Variants in SCD5 observed in about 807,000 individuals in gnomAD.
The protein encoded by SCD5 is stearoyl-CoA desaturase 5, also known as acyl-CoA-desaturase 4.
SCD5 carries 20 observed loss-of-function variants against 30.4 expected under a neutral mutation model. The ratio of observed to expected loss-of-function variants is 0.66; its 90% confidence interval spans 0.46 to 0.96. The LOEUF (loss-of-function observed/expected upper bound fraction) is 0.96, where lower values mean the gene tolerates loss of function less well. Among genes scored for constraint, SCD5 ranks in the 40% least tolerant of loss-of-function variants. SCD5 has a pLI of 0.00. For synonymous variants in SCD5, 173 were observed against 176.4 expected (o/e 0.98, Z 0.16); for missense variants, 381 against 443.3 (o/e 0.86, Z 1.26).
chr4:82,743,444 A>G (rs774968307), intron 1 of SCD5, among the ~76,000 whole-genome samples: 16 of 152,310 alleles, frequency 1.1e-4, no homozygotes, highest in Non-Finnish European at 2.2e-4. Flanking sequence ...TGAGCCCAGG[A>G]GGTCAAGGCT....
intron 2 of SCD5, among the ~76,000 whole-genome samples, chr4:82,703,509 G>A (rs554903154): frequency 6.6e-6 from 1 of 152,128 alleles, no homozygotes; most frequent in Admixed American, 6.5e-5. Flanking sequence ...TTGCAGAAAG[G>A]CTCACATCTA....
chr4:82,646,413 T>C (rs1727634807), intron 3 of SCD5, among the ~76,000 whole-genome samples: 2 of 152,238 alleles, frequency 1.3e-5, no homozygotes, highest in South Asian at 4.1e-4. Context: ...GATGCACATC[T>C]GAAAATGGAG....
At position 82,747,069 on chromosome 4, in the gene SCD5, G is replaced by GC. The variant is rs151046123; in HGVS notation, c.233-41657dup. On this transcript the variant is annotated intron_variant, in intron 1 of 4. Transcript: ENST00000319540. ...AGTTAGAGAAAAGTCTGGGCAACCT[G>GC]CCCCCCAAGAAAGACGACCTTCCCA... Among the ~76,000 whole-genome samples the GC allele has an allele frequency of 2.4e-3, 336 of 139,808 alleles. 8 individuals are homozygous for GC. Among genetic ancestry groups the GC allele is most frequent in the African/African-American group, 6.4e-3 (259 of 40,158 alleles). The allele number at this position is 139,808 out of a possible 152,430, so 91.7% of individuals were successfully genotyped here.
intron 1 of SCD5, among the ~76,000 whole-genome samples, chr4:82,776,375 T>C (rs897737440): frequency 6.6e-6 from 1 of 152,220 alleles, no homozygotes; most frequent in Non-Finnish European, 1.5e-5. Context: ...CATCTGTGAA[T>C]GTTGTGTCAA....
At chr4:82,631,618 G>C in intron 4 of SCD5, 101 bp from the exon 5 acceptor site, 1 of 1,264,258 alleles carries the variant, frequency 7.9e-7, no homozygotes, top group Non-Finnish European at 1.1e-6. Context: ...GCAGGACATG[G>C]TGTCAGCCTC....
intron 1 of SCD5, among the ~76,000 whole-genome samples, chr4:82,768,478 A>G: frequency 6.6e-6 from 1 of 152,264 alleles, no homozygotes; most frequent in East Asian, 1.9e-4. Context: ...ATAAGACCTC[A>G]TCTTTTATTA....
chr4:82,769,261 T>A (rs931959117), intron 1 of SCD5, among the ~76,000 whole-genome samples: 2 of 152,152 alleles, frequency 1.3e-5, no homozygotes, highest in Admixed American at 1.3e-4. Flanking sequence ...TGCTTAACTA[T>A]AAAGTGGGGC....
At chr4:82,729,897 A>G (rs994368468) in intron 1 of SCD5, among the ~76,000 whole-genome samples, 2 of 152,144 alleles carry the variant, frequency 1.3e-5, no homozygotes, top group African/African-American at 4.8e-5. Context: ...ATTAGCACTT[A>G]TCTTCCATTA....
At chr4:82,755,644 G>T (rs537681684) in intron 1 of SCD5, among the ~76,000 whole-genome samples, 7 of 152,106 alleles carry the variant, frequency 4.6e-5, no homozygotes, top group African/African-American at 1.7e-4. Context: ...TAAACAATGC[G>T]CTCAAAAAGG....
At chr4:82,757,991 C>G (rs1018585536) in intron 1 of SCD5, among the ~76,000 whole-genome samples, 1 of 152,170 alleles carries the variant, frequency 6.6e-6, no homozygotes, top group African/African-American at 2.4e-5. Flanking sequence ...AAAAAGTAAA[C>G]AACAGAAAAC....
At chr4:82,771,414 G>T (rs569906372) in intron 1 of SCD5, among the ~76,000 whole-genome samples, 18 of 152,160 alleles carry the variant, frequency 1.2e-4, no homozygotes, top group African/African-American at 4.3e-4. Flanking sequence ...GCAAGACAAG[G>T]GGGTATTTCA....
At chr4:82,680,087 A>G (rs570078745) in intron 3 of SCD5, among the ~76,000 whole-genome samples, 2 of 152,224 alleles carry the variant, frequency 1.3e-5, no homozygotes, top group South Asian at 4.2e-4. Flanking sequence ...AATTGTAGGC[A>G]CTCTTTCTTC....
intron 1 of SCD5, among the ~76,000 whole-genome samples, chr4:82,794,676 G>C (rs1302606110): frequency 6.7e-6 from 1 of 148,896 alleles, no homozygotes; most frequent in Non-Finnish European, 1.5e-5. Context: ...TTGAGACGGA[G>C]TCTCACTCTG....
At position 82,792,547 on chromosome 4, in the gene SCD5, C is replaced by CA. The variant is rs1303590944; in HGVS notation, c.232+5758dup. 2.0e-5 allele frequency among the ~76,000 whole-genome samples: 3 copies of CA among 152,050 alleles called. No individual in the cohort carries two copies. In the East Asian group the frequency reaches 5.8e-4, roughly 29 times the overall value. On this transcript the variant is annotated intron_variant, in intron 1 of 4. Transcript: ENST00000319540. ...CAACATAGTGAGACCCCCATCTCTA[C>CA]AAAAAACCAACCAACAAACAAAAAA...
chr4:82,740,235 C>G (rs1011813933), intron 1 of SCD5, among the ~76,000 whole-genome samples: 1 of 152,234 alleles, frequency 6.6e-6, no homozygotes, highest in Non-Finnish European at 1.5e-5. Context: ...ACTTGATTCC[C>G]TCTTCTGTCA....
Position 82,705,331 on chromosome 4 carries a change from C to T in SCD5, c.315G>A (p.Lys105=), listed in dbSNP as rs747185896. Residue 105 remains lysine (K), a synonymous_variant, in exon 2 of 5, where the codon AAG becomes AAA. Coordinates refer to ENST00000319540, the MANE Select transcript of SCD5 (RefSeq NM_001037582.3). ...CAGCCAGAAATATCCTCAGAGGCAG[C>T]TTGGCCCGGTAGGACCTGTGGCTCC... ...RLWSHRSYRA[K]LPLRIFLAVA... is the part of the protein sequence containing the mutation. The T allele has an allele frequency of 1.2e-6, 2 of 1,614,252 alleles. No homozygotes were observed. The highest frequency in any genetic ancestry group is 2.2e-5 in the South Asian group (2 of 91,090).
intron 1 of SCD5, among the ~76,000 whole-genome samples, chr4:82,763,370 G>A (rs1315575496): frequency 2.0e-5 from 3 of 152,124 alleles, no homozygotes; most frequent in Non-Finnish European, 4.4e-5. Flanking sequence ...AATTAGCCAG[G>A]TGTGGTGGTG....
Position 82,631,148 on chromosome 4 carries a change from T to G in SCD5, c.*179A>C, listed in dbSNP as rs1015853294. On this transcript the variant is annotated 3_prime_UTR_variant, in exon 5 of 5. Coordinates refer to ENST00000319540, the MANE Select transcript of SCD5 (RefSeq NM_001037582.3). The stretch of plus-strand genomic sequence containing the variant: ...AACAAAAAAAAAAACGAAAGTTTTT[T>G]CATTGATAATTGTATTTCAACATTA... 7.7e-6 allele frequency: 4 copies of G among 516,872 alleles called. No individual in the cohort carries two copies. The highest frequency in any genetic ancestry group is 5.9e-5 in the African/African-American group (3 of 50,842). 32.0% of individuals were successfully genotyped at this position (516,872 alleles called of 1,614,324 possible). A position where few individuals can be genotyped will look rare whatever the true frequency, so the allele number is the denominator to read the frequency against.
At chr4:82,639,701 T>C (rs1250757732) in intron 3 of SCD5, among the ~76,000 whole-genome samples, 1 of 152,194 alleles carries the variant, frequency 6.6e-6, no homozygotes, top group African/African-American at 2.4e-5. Context: ...GGAGGGAACA[T>C]GGAAGAGGCA....
Sources: gnomAD v4.1 joint callset for allele counts (sites outside exome capture counted in the v4.1 genomes callset) on GRCh38, gnomAD v4.1.1 for gene constraint, MANE v1.5 for transcripts, NCBI Gene and HGNC (gene_info 2026-07-23, HGNC 2026-07-21) for gene names.